The following CLSTN2 variants were observed in gnomAD, a reference collection of about 807,000 sequenced individuals.
CLSTN2 encodes calsyntenin-2.
Under a neutral mutation model 101.2 loss-of-function variants are expected in CLSTN2, and 48 were observed. The observed-to-expected ratio is 0.47, with a 90% CI of 0.38 to 0.60. The LOEUF is 0.60. Among genes scored for constraint, CLSTN2 ranks in the 20% least tolerant of loss-of-function variants. The pLI is 0.00. For synonymous variants in CLSTN2, 481 were observed against 463.6 expected (o/e 1.04, Z -0.48); for missense variants, 1,160 against 1,238.2 (o/e 0.94, Z 0.95).
chr3:140,230,515 A>G (rs1325910404), intron 2 of CLSTN2, among the ~76,000 whole-genome samples: 1 of 152,218 alleles, frequency 6.6e-6, no homozygotes, highest in African/African-American at 2.4e-5. Context: ...TAATTAGGCC[A>G]TAAGGGCAGA....
intron 2 of CLSTN2, among the ~76,000 whole-genome samples, chr3:140,191,919 T>C (rs527351834): frequency 1.3e-5 from 2 of 152,042 alleles, no homozygotes; most frequent in Admixed American, 1.3e-4. Context: ...TTTACCTAGA[T>C]GTTTAAGGTG....
chr3:139,956,962 G>A (rs1935417409), intron 1 of CLSTN2, among the ~76,000 whole-genome samples: 1 of 152,170 alleles, frequency 6.6e-6, no homozygotes, highest in Non-Finnish European at 1.5e-5. Context: ...GCTGCTTAGA[G>A]CATAGAAAGC....
intron 1 of CLSTN2, among the ~76,000 whole-genome samples, chr3:139,998,154 G>C (rs546945914): frequency 7.9e-5 from 12 of 152,108 alleles, no homozygotes; most frequent in African/African-American, 1.4e-4. Context: ...GTTGGTCCAG[G>C]ACAATGGGTC....
intron 2 of CLSTN2, among the ~76,000 whole-genome samples, chr3:140,357,147 G>A (rs2087679416): frequency 6.6e-6 from 1 of 152,170 alleles, no homozygotes; most frequent in African/African-American, 2.4e-5. Context: ...GATGAAATGA[G>A]ATATTTTATG....
At chr3:140,421,946 G>A (rs1186665793) in intron 5 of CLSTN2, among the ~76,000 whole-genome samples, 1 of 152,180 alleles carries the variant, frequency 6.6e-6, no homozygotes, top group Non-Finnish European at 1.5e-5. Flanking sequence ...GTGATTTGTG[G>A]AATAATAATA....
At chr3:139,983,182 A>G (rs1935962443) in intron 1 of CLSTN2, among the ~76,000 whole-genome samples, 2 of 152,114 alleles carry the variant, frequency 1.3e-5, no homozygotes, top group Admixed American at 1.3e-4. Flanking sequence ...GGCATGTTAT[A>G]TTCATATATT....
At chr3:140,433,749 G>A (rs1227571323) in intron 5 of CLSTN2, among the ~76,000 whole-genome samples, 1 of 152,224 alleles carries the variant, frequency 6.6e-6, no homozygotes, top group Non-Finnish European at 1.5e-5. Context: ...TGAAAGGTAG[G>A]AATGCCTAAA....
At chr3:140,109,870 A>G (rs1317073201) in intron 1 of CLSTN2, among the ~76,000 whole-genome samples, 1 of 152,148 alleles carries the variant, frequency 6.6e-6, no homozygotes, top group Admixed American at 6.5e-5. Flanking sequence ...GTGACTTAGT[A>G]CAAGTCATGC....
intron 5 of CLSTN2, among the ~76,000 whole-genome samples, chr3:140,439,485 T>C (rs550948730): frequency 3.3e-4 from 50 of 152,290 alleles, no homozygotes; most frequent in Non-Finnish European, 6.2e-4. Context: ...AAATTATATC[T>C]CCTCTGTCAT....
chr3:140,334,556 C>G (rs1576520132), intron 2 of CLSTN2, among the ~76,000 whole-genome samples: 1 of 152,212 alleles, frequency 6.6e-6, no homozygotes, highest in African/African-American at 2.4e-5. Context: ...ACAGAGTCCC[C>G]ACCTTACAGC....
intron 1 of CLSTN2, among the ~76,000 whole-genome samples, chr3:140,069,146 T>C (rs2008350088): frequency 6.6e-6 from 1 of 152,216 alleles, no homozygotes; most frequent in Non-Finnish European, 1.5e-5. Context: ...TGAGATCTAA[T>C]TGTGGATTTC....
rs1935005167 is a variant in CLSTN2 at position 139,935,588 on chromosome 3, T to C, written c.109+105T>C. On this transcript the variant is annotated intron_variant, in intron 1 of 16. Coordinates refer to ENST00000458420, the MANE Select transcript of CLSTN2 (RefSeq NM_022131.3). This position sits in a 1 kb window ranked among gnomAD's most constrained non-coding sequence, Gnocchi z 5.5. Reference sequence around the variant, plus strand: ...TCAAGCTGGATTTGCCCACCCTCCCTTGCCGCAGCTTCTTTGGCCTCTGTG... The same window carrying C: ...TCAAGCTGGATTTGCCCACCCTCCCCTGCCGCAGCTTCTTTGGCCTCTGTG... 1.9e-6 allele frequency: 1 copy of C among 524,752 alleles called. No individual in the cohort carries two copies. Among genetic ancestry groups the C allele is most frequent in the Admixed American group, 4.4e-5 (1 of 22,548 alleles). 32.5% of individuals were successfully genotyped at this position (524,752 alleles called of 1,614,324 possible).
intron 2 of CLSTN2, among the ~76,000 whole-genome samples, chr3:140,336,476 C>A (rs543714859): frequency 2.6e-5 from 4 of 152,266 alleles, no homozygotes; most frequent in African/African-American, 7.2e-5. Context: ...CTCAGAGTTT[C>A]TCATTCCTGG....
chr3:140,217,760 C>A (rs1048687806), intron 2 of CLSTN2, among the ~76,000 whole-genome samples: 1 of 152,156 alleles, frequency 6.6e-6, no homozygotes, highest in Admixed American at 6.5e-5. Context: ...GACATATTTG[C>A]CTTAGAAAAC....
At chr3:140,095,712 G>T (rs564914386) in intron 1 of CLSTN2, among the ~76,000 whole-genome samples, 4 of 152,274 alleles carry the variant, frequency 2.6e-5, no homozygotes, top group Middle Eastern at 3.4e-3. Context: ...TAAATTTTCT[G>T]CACAAAATGA....
At chr3:140,125,032 A>G (rs2009407237) in intron 1 of CLSTN2, among the ~76,000 whole-genome samples, 1 of 152,124 alleles carries the variant, frequency 6.6e-6, no homozygotes, top group African/African-American at 2.4e-5. Context: ...GTTGAGTAAG[A>G]TGAGGCCTGA....
chr3:139,955,282 C>T (rs1935373895), intron 1 of CLSTN2, among the ~76,000 whole-genome samples: 1 of 151,596 alleles, frequency 6.6e-6, no homozygotes, highest in South Asian at 2.1e-4. Context: ...GGATAAATTG[C>T]ATAACTCCTC....
At position 140,563,952 on chromosome 3, in the gene CLSTN2, T is replaced by G; in HGVS notation, c.2483-9T>G. 6.2e-7 allele frequency: 1 copy of G among 1,612,640 alleles called. No individual in the cohort carries two copies. Among genetic ancestry groups the G allele is most frequent in the Non-Finnish European group, 8.5e-7 (1 of 1,178,822 alleles). ...TCACCATGTCATGCGAGTTTTTTCC[T>G]TGTTCCAGTGGTCCCAAGCATTGCC... is the stretch of plus-strand genomic sequence containing the variant. On this transcript the variant is annotated splice_polypyrimidine_tract_variant and intron_variant, in intron 15 of 16. Transcript: ENST00000458420.
At chr3:140,300,800 G>A (rs879943784) in intron 2 of CLSTN2, among the ~76,000 whole-genome samples, 19 of 145,690 alleles carry the variant, frequency 1.3e-4, no homozygotes, top group Admixed American at 3.5e-4. Context: ...AGTACCAGTA[G>A]GCGATATATA....
Sources: gnomAD v4.1 joint callset for allele counts (sites outside exome capture counted in the v4.1 genomes callset) on GRCh38, gnomAD v4.1.1 for gene constraint, Gnocchi (gnomAD v3.1) non-coding constraint, MANE v1.5 for transcripts, NCBI Gene and HGNC (gene_info 2026-07-23, HGNC 2026-07-21) for gene names.